The following PCDHGA6 variants were observed in gnomAD, a reference collection of about 807,000 sequenced individuals.
The protein encoded by PCDHGA6 is protocadherin gamma subfamily A, 6.
A neutral mutation model predicts 60.6 loss-of-function variants in PCDHGA6; 41 were observed. That is an observed-to-expected ratio of 0.68 (90% CI 0.53 to 0.88). The LOEUF (loss-of-function observed/expected upper bound fraction) is 0.88, where lower values mean the gene tolerates loss of function less well. Among genes scored for constraint, PCDHGA6 ranks in the 40% least tolerant of loss-of-function variants. The probability of loss-of-function intolerance (pLI) is 0.00; values close to 1 mark genes in which losing one functional copy is unlikely to be tolerated. For missense variants in PCDHGA6, 1,312 were observed against 1,203.0 expected, an observed-to-expected ratio of 1.09 and a Z score of -1.34; for synonymous variants, 594 against 524.4, an observed-to-expected ratio of 1.13 and a Z score of -1.81.
intron 1 of PCDHGA6, chr5:141,413,729 GAGTTC>G: frequency 6.2e-7 from 1 of 1,613,496 alleles, no homozygotes; most frequent in Non-Finnish European, 8.5e-7. Flanking sequence ...TTCTCCCTAA[GAGTTC>G]AGAGCCGTGC....
In PCDHGA6 at chr5:141,490,679, A is replaced by C; in HGVS notation, c.2425-4128A>C. On this transcript the variant is annotated intron_variant, in intron 1 of 3. Coordinates refer to ENST00000517434, the MANE Select transcript of PCDHGA6 (RefSeq NM_018919.3). The surrounding 1 kb of genome is among the most constrained non-coding windows in gnomAD (Gnocchi z 5.4). ...CTTCTTTGCACTGTGGCTGCCTCAG[A>C]TCCAGACACTGGGGATAATGCCCGC... 6.2e-7 allele frequency: 1 copy of C among 1,614,164 alleles called. No individual in the cohort carries two copies. The highest frequency in any genetic ancestry group is 8.5e-7 in the Non-Finnish European group (1 of 1,180,034).
chr5:141,491,980 C>T lies in PCDHGA6; in HGVS notation c.2425-2827C>T. ...AAAAAAGGCCGGGGCCTCCTTCGAG[C>T]TTCCGGTGAATTTCGGGCGATTTCC... On this transcript the variant is annotated intron_variant, in intron 1 of 3. Transcript: ENST00000517434. The surrounding 1 kb of genome is among the most constrained non-coding windows in gnomAD (Gnocchi z 6.9). The T allele has an allele frequency of 2.5e-6, 2 of 784,432 alleles. No individual in the cohort carries two copies. The highest frequency in any genetic ancestry group is 3.8e-6 in the Non-Finnish European group (2 of 530,588). 48.6% of individuals were successfully genotyped at this position (784,432 alleles called of 1,614,324 possible). A position where few individuals can be genotyped will look rare whatever the true frequency, so the allele number is the denominator to read the frequency against.
At chr5:141,466,450 G>T (rs139024933) in intron 1 of PCDHGA6, among the ~76,000 whole-genome samples, 1 of 152,172 alleles carries the variant, frequency 6.6e-6, no homozygotes, top group Non-Finnish European at 1.5e-5. Context: ...TGTCTATGGT[G>T]TTGGCTATTG....
chr5:141,447,329 G>A (rs1328071539), intron 1 of PCDHGA6, among the ~76,000 whole-genome samples: 6 of 151,732 alleles, frequency 4.0e-5, no homozygotes, highest in Admixed American at 1.3e-4. Context: ...TAGTAGAGAC[G>A]GGTTTCATCA....
At chr5:141,393,082 TAGATCGGG>T in intron 1 of PCDHGA6, 1 of 1,613,652 alleles carries the variant, frequency 6.2e-7, no homozygotes, top group Non-Finnish European at 8.5e-7. Flanking sequence ...GCGGGCAGGA[TAGATCGGG>T]AGGAGCTCTG....
intron 1 of PCDHGA6, among the ~76,000 whole-genome samples, chr5:141,447,779 A>T (rs770299374): frequency 2.0e-5 from 3 of 152,210 alleles, no homozygotes; most frequent in Non-Finnish European, 4.4e-5. Flanking sequence ...ACTTTAATTG[A>T]AAATAAATTT....
chr5:141,393,498 C>T lies in PCDHGA6; in HGVS notation c.2424+16991C>T, dbSNP rs780199451. The T allele has an allele frequency of 3.1e-6, 5 of 1,613,952 alleles. No homozygotes were observed. The highest frequency in any genetic ancestry group is 1.6e-4 in the Middle Eastern group (1 of 6,084). ...GCCTCGCTCTAGCACAGTGCGCATC[C>T]ACGTGACAGTGTTGGATACAAATGA... On this transcript the variant is annotated intron_variant, in intron 1 of 3. Transcript: ENST00000517434.
chr5:141,408,302 C>T (rs1017556555), intron 1 of PCDHGA6: 1 of 1,613,780 alleles, frequency 6.2e-7, no homozygotes, highest in Non-Finnish European at 8.5e-7. Context: ...TGAGCCGATC[C>T]GCTACTCGAT....
chr5:141,418,125 G>A (rs765373450), intron 1 of PCDHGA6: 2 of 1,614,086 alleles, frequency 1.2e-6, no homozygotes, highest in Middle Eastern at 1.7e-4. Flanking sequence ...GTGAAGGACC[G>A]AATAGACCGT....
intron 1 of PCDHGA6, chr5:141,424,482 T>C (rs779975685): frequency 1.3e-5 from 2 of 152,216 alleles, no homozygotes; most frequent in Non-Finnish European, 2.9e-5. Context: ...TACTTTGGTG[T>C]CTGTGTTTGT....
chr5:141,389,910 C>T (rs1417147488), intron 1 of PCDHGA6: 21 of 1,614,080 alleles, frequency 1.3e-5, no homozygotes, highest in Non-Finnish European at 1.7e-5. Flanking sequence ...TATCACTGAC[C>T]GCCCCGACCC....
intron 1 of PCDHGA6, among the ~76,000 whole-genome samples, chr5:141,482,914 A>G (rs1023561837): frequency 6.6e-6 from 1 of 152,162 alleles, no homozygotes; most frequent in Non-Finnish European, 1.5e-5. Context: ...TCTATTAAAA[A>G]TACAAAAAAT....
intron 1 of PCDHGA6, chr5:141,408,227 C>G (rs771279344): frequency 1.9e-6 from 3 of 1,562,978 alleles, no homozygotes; most frequent in East Asian, 2.4e-5. Context: ...CGCGCAGAGG[C>G]GCCGGGCCGG....
chr5:141,494,752 T>C (rs889400984), intron 1 of PCDHGA6, 55 bp from the exon 2 acceptor site: 18 of 1,612,206 alleles, frequency 1.1e-5, no homozygotes, highest in Non-Finnish European at 1.5e-5. Context: ...GGGGCTCGGG[T>C]GACATTCTAA....
chr5:141,377,529 G>A (rs1774089651), intron 1 of PCDHGA6: 1 of 151,890 alleles, frequency 6.6e-6, no homozygotes, highest in African/African-American at 2.4e-5. Flanking sequence ...CCAGGGGTAT[G>A]AGGCTGCAGT....
intron 1 of PCDHGA6, among the ~76,000 whole-genome samples, chr5:141,436,521 C>T (rs2097829891): frequency 6.6e-6 from 1 of 152,086 alleles, no homozygotes; most frequent in African/African-American, 2.4e-5. Flanking sequence ...AACTGTGTCA[C>T]CTTTAGCAAG....
chr5:141,417,776 C>T (rs2096161387), intron 1 of PCDHGA6: 1 of 1,469,712 alleles, frequency 6.8e-7, no homozygotes, highest in South Asian at 1.4e-5. Context: ...CTCCTCCTGT[C>T]CTGGGCCGAA....
rs746159671 is a variant in PCDHGA6, at chr5:141,399,684, G to A, written c.2424+23177G>A. The A allele has an allele frequency of 2.4e-5, 38 of 1,613,538 alleles. 1 individual carries two copies. In the South Asian group the frequency reaches 4.2e-4, roughly 18 times the overall value. On this transcript the variant is annotated intron_variant, in intron 1 of 3. Transcript: ENST00000517434. ...TCGCGCAGCGCGCCTTTGACTACGAGCAGCTGCGCACCTTCGAACTCACAC... is the reference window on the plus strand; with the variant it reads ...TCGCGCAGCGCGCCTTTGACTACGAACAGCTGCGCACCTTCGAACTCACAC...
Position 141,486,362 on chromosome 5 carries a change from C to A in PCDHGA6, c.2425-8445C>A. On this transcript the variant is annotated intron_variant, in intron 1 of 3. Coordinates refer to ENST00000517434, the MANE Select transcript of PCDHGA6 (RefSeq NM_018919.3). The surrounding 1 kb of genome is among the most constrained non-coding windows in gnomAD (Gnocchi z 5.0). ...CATTCCTGACCACTTGCCATTTGCC[C>A]TCAAGTCTGCCTTCAGGAACCAGTT... The A allele has an allele frequency of 6.2e-7, 1 of 1,614,132 alleles. No individual in the cohort carries two copies. The highest frequency in any genetic ancestry group is 1.7e-5 in the Admixed American group (1 of 60,024).
Sources: allele counts gnomAD v4.1 joint callset (sites outside exome capture counted in the v4.1 genomes callset), GRCh38; gene constraint gnomAD v4.1.1; non-coding constraint Gnocchi (gnomAD v3.1); transcripts MANE v1.5; gene names NCBI Gene and HGNC (gene_info 2026-07-23, HGNC 2026-07-21).